CIPC: variants seen among roughly 807,000 people sequenced by gnomAD.
CIPC encodes the protein CLOCK interacting pacemaker, also known as CLOCK-interacting pacemaker.
In CIPC, 12 loss-of-function variants were observed where a neutral mutation model predicts 26.7. That is an observed-to-expected ratio of 0.45 (90% confidence interval 0.29 to 0.73). The LOEUF (loss-of-function observed/expected upper bound fraction) is 0.73. Ranked by LOEUF, CIPC falls within the 30% of genes least tolerant of loss-of-function variation. CIPC has a pLI of 0.12. For missense variants in CIPC, 417 were observed against 486.5 expected (o/e 0.86, Z 1.34); for synonymous variants, 170 against 189.8 (o/e 0.90, Z 0.86).
intron 2 of CIPC, among the ~76,000 whole-genome samples, chr14:77,109,044 AT>A (rs1466909310): frequency 6.6e-6 from 1 of 151,964 alleles, no homozygotes; most frequent in African/African-American, 2.4e-5. Context: ...AGGACCCCTC[AT>A]TTCCTTTATG....
intron 3 of CIPC, among the ~76,000 whole-genome samples, chr14:77,111,432 G>A (rs933433025): frequency 4.6e-5 from 7 of 152,178 alleles, no homozygotes; most frequent in Non-Finnish European, 7.3e-5. Context: ...AGAATCTAGC[G>A]TATTCTAAAA....
At chr14:77,098,616 G>C (rs1886409069) in intron 1 of CIPC, 1 of 152,826 alleles carries the variant, frequency 6.5e-6, no homozygotes, top group Admixed American at 6.5e-5. Context: ...AGGCTTGTGT[G>C]AGGGGCAGGT....
At chr14:77,111,968 A>G (rs1188199807) in intron 3 of CIPC, among the ~76,000 whole-genome samples, 2 of 152,198 alleles carry the variant, frequency 1.3e-5, no homozygotes, top group Non-Finnish European at 2.9e-5. Context: ...TGGCCCTAGC[A>G]TTGCTTGCCT....
In CIPC at chr14:77,114,615, G is replaced by A. The variant is rs149374520; in HGVS notation, c.*297G>A. On this transcript the variant is annotated 3_prime_UTR_variant, in exon 4 of 4. Transcript: ENST00000361786. Reference sequence around the variant, plus strand: ...GGCAAAGCAGGAGATGATTGTGTGGGGCTCTTCCTGCTGTCACCTCCCATC... The same window carrying A: ...GGCAAAGCAGGAGATGATTGTGTGGAGCTCTTCCTGCTGTCACCTCCCATC... 1 of 313,482 alleles carries A rather than the reference G, an allele frequency of 3.2e-6. No individual in the cohort carries two copies. Among genetic ancestry groups the A allele is most frequent in the Non-Finnish European group, 6.0e-6 (1 of 167,976 alleles). 19.4% of individuals were successfully genotyped at this position (313,482 alleles called of 1,614,324 possible).
At position 77,113,773 on chromosome 14, in the gene CIPC, A is replaced by G. The variant is rs1034203568; in HGVS notation, c.655A>G (p.Ser219Gly). 9 of 1,613,630 alleles carry G rather than the reference A, an allele frequency of 5.6e-6. No homozygotes were observed. The highest frequency in any genetic ancestry group is 7.6e-6 in the Non-Finnish European group (9 of 1,179,612). ...CAGTCCCTCGACGCCAGCACCACCC[A>G]GCGCCAAACTTGCCGAGGACTCAGC... is the stretch of plus-strand genomic sequence containing the variant. ...PSSPSTPAPP[S>G]AKLAEDSALQ... The change falls in exon 4 of 4, where the codon AGC (serine) becomes GGC (glycine). Residue 219 changes from serine to glycine, a missense_variant. Coordinates refer to ENST00000361786, the MANE Select transcript of CIPC (RefSeq NM_033426.3).
intron 3 of CIPC, among the ~76,000 whole-genome samples, chr14:77,110,810 G>T (rs1189383652): frequency 6.6e-6 from 1 of 152,210 alleles, no homozygotes; most frequent in South Asian, 2.1e-4. Context: ...GCTACTTGAA[G>T]ATAGTGAAAT....
rs912631418 is a variant in CIPC, at chr14:77,115,499, A to G, written c.*1181A>G. ...GTGTAATGTTGGTTATATGAAGTTC[A>G]TCTCAAAATGGAGACCATGACCAGA... On this transcript the variant is annotated 3_prime_UTR_variant, in exon 4 of 4. Coordinates refer to ENST00000361786, the MANE Select transcript of CIPC (RefSeq NM_033426.3). The G allele has an allele frequency of 3.9e-5, 6 of 152,206 alleles. No individual in the cohort carries two copies. Among genetic ancestry groups the G allele is most frequent in the African/African-American group, 7.2e-5 (3 of 41,462 alleles). The allele number at this position is 152,206 out of a possible 1,614,324, so 9.4% of individuals were successfully genotyped here.
intron 3 of CIPC, among the ~76,000 whole-genome samples, chr14:77,111,700 A>G (rs920489933): frequency 2.6e-5 from 4 of 152,242 alleles, no homozygotes; most frequent in Non-Finnish European, 5.9e-5. Context: ...CATGAATAAT[A>G]CAATTTGTAA....
intron 1 of CIPC, among the ~76,000 whole-genome samples, chr14:77,101,430 A>C (rs1886482175): frequency 6.6e-6 from 1 of 152,204 alleles, no homozygotes; most frequent in Non-Finnish European, 1.5e-5. Flanking sequence ...CTGAAGATAG[A>C]GGCTTTCATA....
In CIPC at chr14:77,098,367, A is replaced by T. The variant is rs999470173; in HGVS notation, c.-53+6A>T. On this transcript the variant is annotated splice_donor_region_variant and intron_variant, in intron 1 of 3. Transcript: ENST00000361786. ...AGCTGCGACCCCGGCCCTAGGTGAG[A>T]AAGGGAGGGCTCGGTCCGGGAGGAG... The T allele has an allele frequency of 6.6e-6, 1 of 152,578 alleles. No individual in the cohort carries two copies. The highest frequency in any genetic ancestry group is 1.5e-5 in the Non-Finnish European group (1 of 68,032). The allele number at this position is 152,578 out of a possible 1,614,324, so 9.5% of individuals were successfully genotyped here.
rs185492654 is a variant in CIPC, at chr14:77,113,451, G to A, written c.333G>A (p.Ser111=). Residue 111 remains serine (S), a synonymous_variant, in exon 4 of 4, where the codon TCG becomes TCA. Transcript: ENST00000361786. ...KQGSSSSQLQ[S]WTVQPSFEVI... The stretch of plus-strand genomic sequence containing the variant: ...GCAGCAGCTCATCCCAGCTCCAGTC[G>A]TGGACTGTCCAGCCCTCCTTTGAAG... 5.5e-5 allele frequency: 88 copies of A among 1,614,070 alleles called. No individual in the cohort carries two copies. The highest frequency in any genetic ancestry group is 4.6e-4 in the South Asian group (42 of 91,082).
At chr14:77,104,968 A>G (rs960264539) in intron 1 of CIPC, among the ~76,000 whole-genome samples, 2 of 152,248 alleles carry the variant, frequency 1.3e-5, no homozygotes, top group African/African-American at 4.8e-5. Flanking sequence ...AAAGTGAGAT[A>G]GCAACTGAAG....
At chr14:77,110,445 C>G (rs1040917797) in intron 3 of CIPC, among the ~76,000 whole-genome samples, 12 of 152,080 alleles carry the variant, frequency 7.9e-5, no homozygotes, top group African/African-American at 2.4e-4. Context: ...ATATACTGAG[C>G]ATTTTCTTAG....
chr14:77,098,914 C>T (rs540771064), intron 1 of CIPC, among the ~76,000 whole-genome samples: 1 of 152,304 alleles, frequency 6.6e-6, no homozygotes, highest in Non-Finnish European at 1.5e-5. Flanking sequence ...GGTAGTGTTT[C>T]TGGGGAGAAG....
At position 77,113,549 on chromosome 14, in the gene CIPC, G is replaced by A; in HGVS notation, c.431G>A (p.Gly144Asp). 6.2e-7 allele frequency: 1 copy of A among 1,614,196 alleles called. No individual in the cohort carries two copies. The highest frequency in any genetic ancestry group is 8.5e-7 in the Non-Finnish European group (1 of 1,180,042). ...TCTCCTGTCAGTCCATGTCACACTGGTGAGAAAAAGTCCGACTCCAGGAAC... is the reference window on the plus strand; with the variant it reads ...TCTCCTGTCAGTCCATGTCACACTGATGAGAAAAAGTCCGACTCCAGGAAC... Reference protein sequence around the residue: ...VPSPVSPCHTGEKKSDSRNYL... With the variant: ...VPSPVSPCHTDEKKSDSRNYL... Residue 144 changes from glycine (G) to aspartate (D), a missense_variant, in exon 4 of 4, where the codon GGT becomes GAT. Transcript: ENST00000361786.
chr14:77,100,761 G>T (rs936845856), intron 1 of CIPC, among the ~76,000 whole-genome samples: 4 of 151,546 alleles, frequency 2.6e-5, no homozygotes, highest in African/African-American at 9.7e-5. Context: ...TAGAGACAGG[G>T]TTTCACCATG....
At position 77,114,485 on chromosome 14, in the gene CIPC, A is replaced by G. The variant is rs1301566435; in HGVS notation, c.*167A>G. ...ATACCTGGCTGCTGTCTTAACTCGT[A>G]GTCTGGGCACAGGATACATATGTCC... On this transcript the variant is annotated 3_prime_UTR_variant, in exon 4 of 4. Coordinates refer to ENST00000361786, the MANE Select transcript of CIPC (RefSeq NM_033426.3). 1 of 689,438 alleles carries G rather than the reference A, an allele frequency of 1.5e-6. No homozygotes were observed. The highest frequency in any genetic ancestry group is 2.4e-6 in the Non-Finnish European group (1 of 413,080). The allele number at this position is 689,438 out of a possible 1,614,324, so 42.7% of individuals were successfully genotyped here.
intron 1 of CIPC, among the ~76,000 whole-genome samples, chr14:77,102,931 A>G (rs1445099931): frequency 2.6e-5 from 4 of 152,252 alleles, no homozygotes; most frequent in Admixed American, 2.0e-4. Context: ...ATATAGTTTT[A>G]CACTTTAGTC....
At chr14:77,108,918 T>A (rs1886643237) in intron 2 of CIPC, among the ~76,000 whole-genome samples, 1 of 152,176 alleles carries the variant, frequency 6.6e-6, no homozygotes, top group South Asian at 2.1e-4. Flanking sequence ...AGCTCTTGTG[T>A]CTCGTTGACA....
Sources: gnomAD v4.1 joint callset for allele counts (sites outside exome capture counted in the v4.1 genomes callset) on GRCh38, gnomAD v4.1.1 for gene constraint, MANE v1.5 for transcripts, NCBI Gene and HGNC (gene_info 2026-07-23, HGNC 2026-07-21) for gene names.